TMEM117: variants seen among roughly 807,000 people sequenced by gnomAD.
TMEM117 encodes transmembrane protein 117.
In TMEM117, 27 loss-of-function variants were observed where a neutral mutation model predicts 52.4. The observed-to-expected ratio is 0.51, with a 90% CI of 0.38 to 0.71. The LOEUF (loss-of-function observed/expected upper bound fraction) is 0.71. Ranked by LOEUF, TMEM117 falls within the 30% of genes least tolerant of loss-of-function variation. The pLI is 0.00. For synonymous variants in TMEM117, 215 were observed against 206.3 expected (o/e 1.04, Z -0.36); for missense variants, 556 against 630.5 (o/e 0.88, Z 1.26).
chr12:44,019,423 C>T (rs1446948537), intron 3 of TMEM117, among the ~76,000 whole-genome samples: 1 of 152,106 alleles, frequency 6.6e-6, no homozygotes, highest in African/African-American at 2.4e-5. Context: ...CAGGAGGGTA[C>T]TGGCTCATTC....
At chr12:43,807,146 G>A in the TMEM117 span, among the ~76,000 whole-genome samples, 2 of 151,956 alleles carry the variant, frequency 1.3e-5, no homozygotes, top group Non-Finnish European at 2.9e-5. Flanking sequence ...TTTTGGTACT[G>A]CTTCTCTACT....
intron 5 of TMEM117, among the ~76,000 whole-genome samples, chr12:44,248,212 C>G (rs1950154797): frequency 6.6e-6 from 1 of 152,040 alleles, no homozygotes; most frequent in South Asian, 2.1e-4. Context: ...ATGCTATTGC[C>G]ATCACTATCA....
At chr12:44,285,187 C>T (rs962744365) in intron 5 of TMEM117, among the ~76,000 whole-genome samples, 11 of 152,154 alleles carry the variant, frequency 7.2e-5, no homozygotes, top group African/African-American at 2.7e-4. Context: ...CTTTTATGGC[C>T]TGTCAAGAAC....
chr12:44,055,869 T>C (rs570520611), intron 3 of TMEM117, among the ~76,000 whole-genome samples: 2 of 152,276 alleles, frequency 1.3e-5, no homozygotes, highest in East Asian at 3.9e-4. Context: ...TATTAAAAGC[T>C]TAAAGCATTT....
intron 3 of TMEM117, among the ~76,000 whole-genome samples, chr12:43,960,448 A>G (rs1362108364): frequency 6.6e-6 from 1 of 152,208 alleles, no homozygotes; most frequent in Non-Finnish European, 1.5e-5. Context: ...ACTTGGTTTT[A>G]ATAGTACAAA....
intron 3 of TMEM117, among the ~76,000 whole-genome samples, chr12:44,004,089 A>T (rs1348037430): frequency 6.6e-6 from 1 of 152,222 alleles, no homozygotes; most frequent in Non-Finnish European, 1.5e-5. Flanking sequence ...GCTCAGACAC[A>T]TCTAAAGGTA....
chr12:43,847,683 G>A (rs1943233331), intron 2 of TMEM117, among the ~76,000 whole-genome samples: 1 of 152,170 alleles, frequency 6.6e-6, no homozygotes, highest in Non-Finnish European at 1.5e-5. Context: ...CATCTGGGTG[G>A]GGACTGCTCA....
chr12:44,255,765 C>A (rs1214239639), intron 5 of TMEM117, among the ~76,000 whole-genome samples: 1 of 152,002 alleles, frequency 6.6e-6, no homozygotes, highest in African/African-American at 2.4e-5. Context: ...GGCAAAAAAT[C>A]AACCACTGCA....
intron 5 of TMEM117, among the ~76,000 whole-genome samples, chr12:44,226,713 G>C (rs1213645273): frequency 6.6e-6 from 1 of 152,026 alleles, no homozygotes; most frequent in African/African-American, 2.4e-5. Context: ...GGTGAAATTA[G>C]GATACAGACA....
chr12:44,045,867 G>GA (rs1441302590), intron 3 of TMEM117, among the ~76,000 whole-genome samples: 2 of 152,120 alleles, frequency 1.3e-5, no homozygotes, highest in African/African-American at 2.4e-5. Flanking sequence ...CATGCTAATA[G>GA]AATTCACTGG....
chr12:44,183,257 A>G (rs1040983248), intron 4 of TMEM117, among the ~76,000 whole-genome samples: 2 of 152,184 alleles, frequency 1.3e-5, no homozygotes, highest in African/African-American at 4.8e-5. Context: ...GACATTCCCT[A>G]TTATTGTATG....
Position 44,214,989 on chromosome 12 carries a change from T to A in TMEM117, c.608+3602T>A, listed in dbSNP as rs181867675. Among the ~76,000 whole-genome samples the A allele has an allele frequency of 2.2e-4, 33 of 152,320 alleles. No homozygotes were observed. In the East Asian group the frequency reaches 5.8e-3, roughly 27 times the overall value. ...CCTAGGAGATAAAATACAAAACTCATTGGCAAGGTTTTAGATTAAATAAAA... is the reference window on the plus strand; with the variant it reads ...CCTAGGAGATAAAATACAAAACTCAATGGCAAGGTTTTAGATTAAATAAAA... On this transcript the variant is annotated intron_variant, in intron 5 of 7. Transcript: ENST00000266534.
the TMEM117 span, among the ~76,000 whole-genome samples, chr12:43,818,918 C>T: frequency 1.3e-5 from 2 of 152,162 alleles, no homozygotes; most frequent in East Asian, 3.9e-4. Context: ...TTTTTCCTTC[C>T]TTGTCATTTG....
chr12:44,043,029 G>C (rs531421318), intron 3 of TMEM117, among the ~76,000 whole-genome samples: 1 of 152,246 alleles, frequency 6.6e-6, no homozygotes, highest in South Asian at 2.1e-4. Flanking sequence ...AGAGAGTTAT[G>C]CAAAATAAAT....
intron 3 of TMEM117, chr12:44,009,060 G>T (rs1469555125): frequency 8.0e-6 from 3 of 375,466 alleles, no homozygotes; most frequent in Non-Finnish European, 1.6e-5. Context: ...ACATTTAAAA[G>T]GTTTCTCTCC....
At chr12:43,875,497 C>T in intron 2 of TMEM117, among the ~76,000 whole-genome samples, 1 of 152,170 alleles carries the variant, frequency 6.6e-6, no homozygotes, top group East Asian at 1.9e-4. Flanking sequence ...GTAGCTTAAG[C>T]AATTCAACTT....
intron 5 of TMEM117, among the ~76,000 whole-genome samples, chr12:44,286,952 A>C (rs1950646596): frequency 6.6e-6 from 1 of 152,178 alleles, no homozygotes; most frequent in Non-Finnish European, 1.5e-5. Flanking sequence ...CAGTTCTGTC[A>C]CTGGCAGCCT....
intron 2 of TMEM117, among the ~76,000 whole-genome samples, chr12:43,927,869 A>G (rs537356081): frequency 6.6e-6 from 1 of 151,944 alleles, no homozygotes; most frequent in Non-Finnish European, 1.5e-5. Flanking sequence ...CTATCTAACA[A>G]TTATTGTCTT....
chr12:44,000,631 G>A (rs565087527), intron 3 of TMEM117, among the ~76,000 whole-genome samples: 3 of 152,120 alleles, frequency 2.0e-5, no homozygotes, highest in African/African-American at 7.2e-5. Context: ...CTGTACCTCC[G>A]GGACACTGGA....
Sources: gnomAD v4.1 joint callset for allele counts (sites outside exome capture counted in the v4.1 genomes callset) on GRCh38, gnomAD v4.1.1 for gene constraint, MANE v1.5 for transcripts, NCBI Gene and HGNC (gene_info 2026-07-23, HGNC 2026-07-21) for gene names.